MYBPC1: variants seen among roughly 807,000 people sequenced by gnomAD.
MYBPC1 encodes myosin-binding protein C, slow-type.
Under a neutral mutation model 147.1 loss-of-function variants are expected in MYBPC1, and 52 were observed. The ratio of observed to expected loss-of-function variants is 0.35; its 90% CI spans 0.28 to 0.45. The LOEUF (loss-of-function observed/expected upper bound fraction) is 0.45. Among genes scored for constraint, MYBPC1 ranks in the 20% least tolerant of loss-of-function variants. The pLI is 1.00. For synonymous variants in MYBPC1, 477 were observed against 475.9 expected (o/e 1.00, Z -0.03); for missense variants, 1,228 against 1,440.3 (o/e 0.85, Z 2.39).
chr12:101,666,245 A>C (rs1347918184), intron 22 of MYBPC1: 1 of 176,964 alleles, frequency 5.7e-6, no homozygotes, highest in Non-Finnish European at 1.2e-5. Context: ...GCCTTATCCC[A>C]AGGGCCTGCA....
At chr12:101,640,278 C>T (rs1457914384) in intron 10 of MYBPC1, among the ~76,000 whole-genome samples, 1 of 152,174 alleles carries the variant, frequency 6.6e-6, no homozygotes, top group Non-Finnish European at 1.5e-5. Context: ...TCCTAAAGTG[C>T]TGGGATTACA....
intron 8 of MYBPC1, among the ~76,000 whole-genome samples, chr12:101,632,425 G>A (rs2136065787): frequency 6.6e-6 from 1 of 152,272 alleles, no homozygotes; most frequent in African/African-American, 2.4e-5. Flanking sequence ...GCTACAGAAT[G>A]TATGTTTCAA....
Position 101,685,862 on chromosome 12 carries a change from A to T in MYBPC1, c.*300A>T. ...GATTGCTTAATTAAAAATTGCAAAC[A>T]AAATCTCATTTGAAGTCAGCACTTT... On this transcript the variant is annotated 3_prime_UTR_variant, in exon 32 of 32. Transcript: ENST00000361466. 1 of 517,874 alleles carries T rather than the reference A, an allele frequency of 1.9e-6. No homozygotes were observed. Among genetic ancestry groups the T allele is most frequent in the South Asian group, 2.5e-5 (1 of 40,576 alleles). 32.1% of individuals were successfully genotyped at this position (517,874 alleles called of 1,614,324 possible).
At chr12:101,619,307 C>T (rs1886854174) in intron 3 of MYBPC1, among the ~76,000 whole-genome samples, 1 of 152,006 alleles carries the variant, frequency 6.6e-6, no homozygotes, top group African/African-American at 2.4e-5. Context: ...ACTTTTATCT[C>T]CCCTTCTTTC....
At chr12:101,673,326 C>A in intron 24 of MYBPC1, 101 bp from the exon 25 acceptor site, 1 of 1,229,074 alleles carries the variant, frequency 8.1e-7, no homozygotes, top group Non-Finnish European at 1.2e-6. Flanking sequence ...TTTTCCAGCC[C>A]TGCCTAGAAT....
chr12:101,689,033 C>G (rs929923486), downstream of MYBPC1, among the ~76,000 whole-genome samples: 3 of 150,416 alleles, frequency 2.0e-5, no homozygotes, highest in Admixed American at 6.6e-5. Flanking sequence ...GACTAGTATA[C>G]AGAGGGAACA....
chr12:101,670,359 A>T lies in MYBPC1; in HGVS notation c.2563A>T (p.Thr855Ser), dbSNP rs1898377560. ...KIRIPRHLKQ[T>S]YIRRVGEAVN... is the part of the protein sequence containing the mutation. The stretch of plus-strand genomic sequence containing the variant: ...TCGCATTCCAAGACACCTGAAGCAA[A>T]CCTATATCCGCAGAGTTGGAGAAGC... Residue 855 changes from threonine to serine, a missense_variant, in exon 24 of 32, where the codon ACC (threonine) becomes TCC (serine). Transcript: ENST00000361466. 4.3e-6 allele frequency: 7 copies of T among 1,614,100 alleles called. No individual in the cohort carries two copies. Among genetic ancestry groups the T allele is most frequent in the Non-Finnish European group, 5.9e-6 (7 of 1,179,972 alleles).
intron 21 of MYBPC1, 29 bp from the exon 22 acceptor site, chr12:101,663,397 T>C (rs1234495398): frequency 1.9e-6 from 3 of 1,600,672 alleles, no homozygotes. Context: ...GTAAATAGTT[T>C]ATTCTTTTCT....
At chr12:101,639,321 G>A (rs905617867) in intron 10 of MYBPC1, among the ~76,000 whole-genome samples, 1 of 152,204 alleles carries the variant, frequency 6.6e-6, no homozygotes, top group Non-Finnish European at 1.5e-5. Context: ...AGTGCCTACA[G>A]AAATTTGGCT....
At chr12:101,596,663 G>A (rs1051921729) in intron 1 of MYBPC1, among the ~76,000 whole-genome samples, 1 of 152,186 alleles carries the variant, frequency 6.6e-6, no homozygotes, top group African/African-American at 2.4e-5. Context: ...TCGCAAAGGC[G>A]ATGAAGTTTA....
intron 29 of MYBPC1, among the ~76,000 whole-genome samples, chr12:101,681,743 G>C (rs925184821): frequency 1.3e-5 from 2 of 149,688 alleles, no homozygotes; most frequent in African/African-American, 4.9e-5. Flanking sequence ...TGAGTAGCTG[G>C]GATTACAGGC....
chr12:101,671,402 C>T (rs1898696719), intron 24 of MYBPC1, among the ~76,000 whole-genome samples: 1 of 151,992 alleles, frequency 6.6e-6, no homozygotes, highest in Admixed American at 6.6e-5. Context: ...CAAACCCAGG[C>T]TCCCATGAAA....
intron 1 of MYBPC1, among the ~76,000 whole-genome samples, chr12:101,596,410 G>A (rs990021022): frequency 4.6e-5 from 7 of 152,196 alleles, no homozygotes; most frequent in South Asian, 2.1e-4. Context: ...AATGATTTAC[G>A]TGTGTACTAA....
At chr12:101,686,429 G>A (rs1356780720), downstream of MYBPC1, among the ~76,000 whole-genome samples, 1 of 152,174 alleles carries the variant, frequency 6.6e-6, no homozygotes, top group African/African-American at 2.4e-5. Flanking sequence ...GGCTGTTACA[G>A]ACAACAGACC....
intron 2 of MYBPC1, among the ~76,000 whole-genome samples, chr12:101,615,166 T>C (rs1330158437): frequency 6.6e-6 from 1 of 152,090 alleles, no homozygotes; most frequent in Non-Finnish European, 1.5e-5. Context: ...ACACAATATA[T>C]GAAGCTTGTT....
At chr12:101,635,387 T>C (rs533213797) in intron 9 of MYBPC1, among the ~76,000 whole-genome samples, 1 of 152,158 alleles carries the variant, frequency 6.6e-6, no homozygotes, top group African/African-American at 2.4e-5. Flanking sequence ...GGAAAGTCAC[T>C]CCAAACTATT....
At chr12:101,695,399 A>G in the MYBPC1 span, among the ~76,000 whole-genome samples, 1 of 152,196 alleles carries the variant, frequency 6.6e-6, no homozygotes, top group Admixed American at 6.5e-5. Context: ...TCATCACGCT[A>G]CTCAGAATGG....
At chr12:101,627,352 C>T (rs1014051970) in intron 4 of MYBPC1, among the ~76,000 whole-genome samples, 5 of 152,094 alleles carry the variant, frequency 3.3e-5, no homozygotes, top group African/African-American at 1.2e-4. Context: ...AAGTGATTCT[C>T]GTGCCTCAGC....
chr12:101,666,193 T>TCCA, intron 22 of MYBPC1: 1 of 163,082 alleles, frequency 6.1e-6, no homozygotes, highest in Admixed American at 5.6e-5. Context: ...TGGGGCAGCC[T>TCCA]CCAATTCTAT....
Sources: allele counts gnomAD v4.1 joint callset (sites outside exome capture counted in the v4.1 genomes callset), GRCh38; gene constraint gnomAD v4.1.1; transcripts MANE v1.5; gene names NCBI Gene and HGNC (gene_info 2026-07-23, HGNC 2026-07-21).